Variants in ATP8A1 observed in about 807,000 individuals in gnomAD.
The protein encoded by ATP8A1 is phospholipid-transporting ATPase IA.
A neutral mutation model predicts 177.7 loss-of-function variants in ATP8A1; 90 were observed. The observed-to-expected ratio is 0.51, with a 90% CI of 0.43 to 0.60. The LOEUF is 0.60. Among genes scored for constraint, ATP8A1 ranks in the 20% least tolerant of loss-of-function variants. ATP8A1 has a pLI of 0.00. For synonymous variants in ATP8A1, 493 were observed against 485.9 expected, an observed-to-expected ratio of 1.01 and a Z score of -0.19; for missense variants, 1,072 against 1,392.8, an observed-to-expected ratio of 0.77 and a Z score of 3.67.
In ATP8A1 at chr4:42,625,607, A is replaced by C; in HGVS notation, c.264+7T>G. ...ACATTTGACAAGGTTTTATGACGTGACTTTACCTGCAGCAGTGCAATAAAG... is the reference window on the plus strand; with the variant it reads ...ACATTTGACAAGGTTTTATGACGTGCCTTTACCTGCAGCAGTGCAATAAAG... On this transcript the variant is annotated splice_region_variant and intron_variant, in intron 3 of 36. Coordinates refer to ENST00000381668, the MANE Select transcript of ATP8A1 (RefSeq NM_006095.2). The C allele has an allele frequency of 6.4e-7, 1 of 1,571,352 alleles. No individual in the cohort carries two copies.
intron 4 of ATP8A1, among the ~76,000 whole-genome samples, chr4:42,624,059 TAGCTA>T (rs1291259499): frequency 2.0e-5 from 3 of 151,946 alleles, no homozygotes; most frequent in African/African-American, 7.2e-5. Context: ...AGAATAAAAA[TAGCTA>T]ATTTGGTTAC....
chr4:42,481,836 C>T (rs1253578299), intron 25 of ATP8A1, among the ~76,000 whole-genome samples: 2 of 152,098 alleles, frequency 1.3e-5, no homozygotes, highest in African/African-American at 4.8e-5. Context: ...GTGATCACAC[C>T]AAATCATGAG....
chr4:42,652,633 A>G (rs1277457539), intron 1 of ATP8A1, among the ~76,000 whole-genome samples: 2 of 151,962 alleles, frequency 1.3e-5, no homozygotes, highest in Admixed American at 1.3e-4. Flanking sequence ...CATAATCCCC[A>G]AGTGTTGTGG....
chr4:42,556,397 A>G (rs1204990158), intron 15 of ATP8A1, among the ~76,000 whole-genome samples: 1 of 152,212 alleles, frequency 6.6e-6, no homozygotes, highest in Admixed American at 6.5e-5. Context: ...TTCAATTTTT[A>G]GGATTCTAAG....
At chr4:42,611,160 C>T (rs16854603) in intron 5 of ATP8A1, among the ~76,000 whole-genome samples, 3 of 152,140 alleles carry the variant, frequency 2.0e-5, no homozygotes, top group Non-Finnish European at 2.9e-5. Flanking sequence ...AGCAACTATG[C>T]GCCCTGCAGG....
chr4:42,522,362 CTGTTTT>C (rs1726222167), intron 21 of ATP8A1, 63 bp from the exon 22 acceptor site: 10 of 1,568,758 alleles, frequency 6.4e-6, no homozygotes, highest in African/African-American at 1.4e-5. Flanking sequence ...TCTGAGGTTT[CTGTTTT>C]TATTTCACAA....
At chr4:42,505,107 T>C (rs182951329) in intron 23 of ATP8A1, among the ~76,000 whole-genome samples, 4 of 152,348 alleles carry the variant, frequency 2.6e-5, no homozygotes, top group Admixed American at 2.0e-4. Flanking sequence ...TATTATACTA[T>C]GTGCTTTTCT....
At chr4:42,589,623 T>C (rs564412154) in intron 7 of ATP8A1, among the ~76,000 whole-genome samples, 12 of 152,360 alleles carry the variant, frequency 7.9e-5, no homozygotes, top group African/African-American at 2.9e-4. Context: ...TCAATATTTA[T>C]ATTTTCACTC....
chr4:42,555,904 G>C, intron 16 of ATP8A1, 64 bp downstream of exon 16: 1 of 1,092,340 alleles, frequency 9.2e-7, no homozygotes, highest in South Asian at 1.4e-5. Flanking sequence ...ATAGAAGATA[G>C]TTCAGAGAAA....
rs549574476 is a variant in ATP8A1 at position 42,421,532 on chromosome 4, T to C, written c.3305+1275A>G. 6.6e-5 allele frequency among the ~76,000 whole-genome samples: 10 copies of C among 152,260 alleles called. No homozygotes were observed. The East Asian group carries it at 1.7e-3, about 26-fold the overall frequency. ...TTGTTACTGGGATTCAGTGAGATAG[T>C]ACACGTAAAATGCAAGGGAAGCACC... On this transcript the variant is annotated intron_variant, in intron 35 of 36. Transcript: ENST00000381668.
At chr4:42,617,018 T>C (rs10517045) in intron 4 of ATP8A1, among the ~76,000 whole-genome samples, 7,181 of 152,298 alleles carry the variant, frequency 0.047, 256 homozygotes, top group African/African-American at 0.097. Context: ...AGCCTGAAGT[T>C]GAATATAGTT....
chr4:42,416,356 G>A (rs1713241752), intron 35 of ATP8A1, among the ~76,000 whole-genome samples: 1 of 152,094 alleles, frequency 6.6e-6, no homozygotes, highest in Admixed American at 6.5e-5. Context: ...CTTCCCAAAA[G>A]ACATTTTCCA....
At chr4:42,470,587 TTACA>T (rs1320810928) in intron 25 of ATP8A1, among the ~76,000 whole-genome samples, 1 of 152,160 alleles carries the variant, frequency 6.6e-6, no homozygotes, top group Non-Finnish European at 1.5e-5. Flanking sequence ...TAAAAAATTC[TTACA>T]TATACACAAA....
At chr4:42,623,526 G>T (rs150928245) in intron 4 of ATP8A1, among the ~76,000 whole-genome samples, 2 of 152,238 alleles carry the variant, frequency 1.3e-5, no homozygotes, top group African/African-American at 4.8e-5. Context: ...AAAAAAGAAC[G>T]AGATCATGTC....
At chr4:42,534,401 G>GA (rs1302970228) in intron 20 of ATP8A1, among the ~76,000 whole-genome samples, 1 of 152,006 alleles carries the variant, frequency 6.6e-6, no homozygotes, top group Non-Finnish European at 1.5e-5. Flanking sequence ...TGAACAAGTA[G>GA]AAAAAAGAAC....
chr4:42,636,065 C>T (rs906222646), intron 1 of ATP8A1, among the ~76,000 whole-genome samples: 4 of 129,258 alleles, frequency 3.1e-5, no homozygotes, highest in Non-Finnish European at 5.2e-5. Context: ...ATGGAGCAGT[C>T]CCCTAAGACT....
intron 33 of ATP8A1, among the ~76,000 whole-genome samples, chr4:42,429,629 T>C (rs1328903172): frequency 6.6e-6 from 1 of 152,238 alleles, no homozygotes; most frequent in African/African-American, 2.4e-5. Flanking sequence ...TCTTTGAAAC[T>C]GTGCATTCAA....
At chr4:42,428,817 A>AGC (rs1482905412) in intron 33 of ATP8A1, among the ~76,000 whole-genome samples, 2 of 152,170 alleles carry the variant, frequency 1.3e-5, no homozygotes, top group Non-Finnish European at 2.9e-5. Context: ...ATGCCTGGAA[A>AGC]GCGCCCATGC....
chr4:42,544,834 C>G (rs894651624), intron 19 of ATP8A1, among the ~76,000 whole-genome samples: 9 of 152,070 alleles, frequency 5.9e-5, no homozygotes, highest in Admixed American at 2.0e-4. Flanking sequence ...TCATAGTGTA[C>G]AGTCAGGAGT....
Sources: allele counts gnomAD v4.1 joint callset (sites outside exome capture counted in the v4.1 genomes callset), GRCh38; gene constraint gnomAD v4.1.1; transcripts MANE v1.5; gene names NCBI Gene and HGNC (gene_info 2026-07-23, HGNC 2026-07-21).